LRP2: variants seen among roughly 807,000 people sequenced by gnomAD.
The protein encoded by LRP2 is low-density lipoprotein receptor-related protein 2.
Under a neutral mutation model 531.0 loss-of-function variants are expected in LRP2, and 172 were observed. The observed-to-expected ratio is 0.32, with a 90% confidence interval of 0.29 to 0.37. The LOEUF is 0.37. Ranked by LOEUF, LRP2 falls within the 10% of genes least tolerant of loss-of-function variation. The pLI, the probability that LRP2 is intolerant of heterozygous loss-of-function variation, is 1.00. For missense variants in LRP2, 5,167 were observed against 5,868.3 expected (o/e 0.88, Z 3.90); for synonymous variants, 1,992 against 2,027.6 (o/e 0.98, Z 0.47).
At chr2:169,239,875 T>C in intron 25 of LRP2, 100 bp from the exon 26 acceptor site, 1 of 1,012,330 alleles carries the variant, frequency 9.9e-7, no homozygotes, top group Non-Finnish European at 1.5e-6. Context: ...CATGCCACCT[T>C]CAATATGATG....
intron 50 of LRP2, chr2:169,182,584 T>C (rs1687481897): frequency 1.5e-6 from 2 of 1,328,374 alleles, no homozygotes; most frequent in African/African-American, 3.0e-5. Flanking sequence ...TCGACGGGTC[T>C]GGTTTTACTT....
rs766140183 is a variant in LRP2 at position 169,138,699 on chromosome 2, T to G, written c.13396A>C (p.Ser4466Arg). 6.2e-7 allele frequency: 1 copy of G among 1,613,878 alleles called. No homozygotes were observed. The highest frequency in any genetic ancestry group is 8.5e-7 in the Non-Finnish European group (1 of 1,179,898). ...PALPKLPSLSSLVKPSENGNG... is the reference protein window; with the variant it reads ...PALPKLPSLSRLVKPSENGNG... ...CCATTTTCAGAGGGCTTGACGAGAC[T>G]GCTTAAGCTGGAAAGAAGTAACCAA... The change falls in exon 75 of 79, where the codon AGT (serine) becomes CGT (arginine). Residue 4466 changes from serine to arginine, a missense_variant. Ser to Arg is a moderately radical substitution (Grantham distance 110, BLOSUM62 -1). Around this residue, in one of 6 missense-constraint regions of LRP2, gnomAD observed 348 missense variants for 369.3 expected, o/e 0.94. Coordinates refer to ENST00000649046, the MANE Select transcript of LRP2 (RefSeq NM_004525.3).
At chr2:169,263,520 G>T (rs981796708) in intron 16 of LRP2, among the ~76,000 whole-genome samples, 17 of 150,966 alleles carry the variant, frequency 1.1e-4, no homozygotes, top group African/African-American at 3.9e-4. Context: ...GGCCATCAGA[G>T]AAATGCAAAT....
chr2:169,287,715 T>C (rs1324686560), intron 9 of LRP2, among the ~76,000 whole-genome samples: 7 of 151,564 alleles, frequency 4.6e-5, no homozygotes, highest in African/African-American at 1.2e-4. Context: ...TAAGATTAGC[T>C]GTATTTGACA....
intron 8 of LRP2, among the ~76,000 whole-genome samples, chr2:169,289,807 A>G (rs1160649014): frequency 1.3e-5 from 2 of 151,884 alleles, no homozygotes; most frequent in Non-Finnish European, 1.5e-5. Flanking sequence ...GTTAATTTTT[A>G]TTTTCCAACT....
At position 169,135,815 on chromosome 2, in the gene LRP2, T is replaced by C. The variant is rs547217804; in HGVS notation, c.13620+1577A>G. ...CAACTTGGACTGCACCCCAAAAAAC[T>C]TGTCATCCCTACTATCTTCTGTCTA... On this transcript the variant is annotated intron_variant, in intron 76 of 78. Coordinates refer to ENST00000649046, the MANE Select transcript of LRP2 (RefSeq NM_004525.3). 2.6e-5 allele frequency among the ~76,000 whole-genome samples: 4 copies of C among 152,196 alleles called. No individual in the cohort carries two copies. In the East Asian group the frequency reaches 5.8e-4, roughly 22 times the overall value.
intron 49 of LRP2, among the ~76,000 whole-genome samples, chr2:169,187,627 G>A (rs141630834): frequency 7.9e-5 from 12 of 152,294 alleles, no homozygotes; most frequent in African/African-American, 2.6e-4. Flanking sequence ...TTCTAGCAGA[G>A]GGATGCTTCA....
intron 48 of LRP2, among the ~76,000 whole-genome samples, chr2:169,190,484 C>T (rs1687790626): frequency 6.6e-6 from 1 of 152,224 alleles, no homozygotes; most frequent in African/African-American, 2.4e-5. Flanking sequence ...ACAATAAACA[C>T]ACAATCGTAC....
chr2:169,183,588 T>C (rs1049732407), intron 50 of LRP2, among the ~76,000 whole-genome samples: 1 of 152,212 alleles, frequency 6.6e-6, no homozygotes. Flanking sequence ...GGCTACCCCA[T>C]AGGGCACTCT....
At chr2:169,303,086 G>C (rs1684326108) in intron 4 of LRP2, among the ~76,000 whole-genome samples, 1 of 151,942 alleles carries the variant, frequency 6.6e-6, no homozygotes, top group East Asian at 1.9e-4. Flanking sequence ...GGAGAATAAA[G>C]AGAATAAATA....
At chr2:169,328,609 G>A (rs1290673801) in intron 1 of LRP2, among the ~76,000 whole-genome samples, 5 of 151,910 alleles carry the variant, frequency 3.3e-5, no homozygotes. Flanking sequence ...TGTTTACTGA[G>A]TACCTACTAT....
chr2:169,338,388 G>GA (rs1286154208), intron 1 of LRP2, among the ~76,000 whole-genome samples: 1 of 122,114 alleles, frequency 8.2e-6, no homozygotes, highest in African/African-American at 3.2e-5. Context: ...AAGAAAGAAA[G>GA]AAAGAAAGAA....
At chr2:169,333,308 C>T (rs1022883635) in intron 1 of LRP2, among the ~76,000 whole-genome samples, 7 of 152,006 alleles carry the variant, frequency 4.6e-5, no homozygotes, top group Non-Finnish European at 1.0e-4. Flanking sequence ...AGGAACAGAA[C>T]AGATGAGACT....
chr2:169,178,163 G>T, intron 52 of LRP2, 137 bp from the exon 53 acceptor site: 1 of 694,390 alleles, frequency 1.4e-6, no homozygotes, highest in Non-Finnish European at 2.5e-6. Context: ...AAAACTCCTA[G>T]TCTTTAATTA....
intron 4 of LRP2, among the ~76,000 whole-genome samples, chr2:169,302,774 G>A (rs1684317847): frequency 1.3e-5 from 2 of 151,712 alleles, no homozygotes; most frequent in African/African-American, 2.4e-5. Context: ...ATTGCAAGGG[G>A]TAAAGAACAG....
At chr2:169,212,810 G>A (rs1259877391) in intron 36 of LRP2, among the ~76,000 whole-genome samples, 2 of 152,014 alleles carry the variant, frequency 1.3e-5, no homozygotes, top group African/African-American at 2.4e-5. Flanking sequence ...ACTACAAATA[G>A]GGTGCAGTGT....
At chr2:169,220,899 G>A (rs763657779) in intron 33 of LRP2, among the ~76,000 whole-genome samples, 7 of 152,062 alleles carry the variant, frequency 4.6e-5, no homozygotes, top group African/African-American at 7.2e-5. Context: ...AAATCCTTCA[G>A]GAGAGCTAAG....
At chr2:169,137,856 G>C (rs1470635012) in intron 75 of LRP2, among the ~76,000 whole-genome samples, 1 of 152,066 alleles carries the variant, frequency 6.6e-6, no homozygotes, top group Non-Finnish European at 1.5e-5. Flanking sequence ...GAAGAATAAG[G>C]AGAGAGGGGA....
chr2:169,331,567 C>T (rs1314948262), intron 1 of LRP2, among the ~76,000 whole-genome samples: 1 of 152,168 alleles, frequency 6.6e-6, no homozygotes, highest in East Asian at 1.9e-4. Context: ...CCTCTGGCCC[C>T]AATCCCCACT....
Sources: allele counts gnomAD v4.1 joint callset (sites outside exome capture counted in the v4.1 genomes callset), GRCh38; gene constraint gnomAD v4.1.1; regional missense constraint gnomAD v4.1.1; transcripts MANE v1.5; gene names NCBI Gene and HGNC (gene_info 2026-07-23, HGNC 2026-07-21).